The following KIAA1958 variants were observed in gnomAD, a reference collection of about 807,000 sequenced individuals.
KIAA1958 encodes the protein uncharacterized protein KIAA1958.
Under a neutral mutation model 47.2 loss-of-function variants are expected in KIAA1958, and 14 were observed. The ratio of observed to expected loss-of-function variants is 0.30; its 90% confidence interval spans 0.20 to 0.46. The LOEUF (loss-of-function observed/expected upper bound fraction) is 0.46. Ranked by LOEUF, KIAA1958 falls within the 20% of genes least tolerant of loss-of-function variation. The pLI, the probability that KIAA1958 is intolerant of heterozygous loss-of-function variation, is 1.00. For synonymous variants in KIAA1958, 354 were observed against 353.3 expected (o/e 1.00, Z -0.02); for missense variants, 803 against 909.2 (o/e 0.88, Z 1.50).
At position 112,531,817 on chromosome 9, in the gene KIAA1958, C is replaced by T. The variant is rs188282003; in HGVS notation, c.-24-42240C>T. Among the ~76,000 whole-genome samples the T allele has an allele frequency of 3.0e-3, 450 of 152,278 alleles. 3 individuals carry two copies. Among genetic ancestry groups the T allele is most frequent in the Admixed American group, 6.0e-3 (92 of 15,302 alleles). On this transcript the variant is annotated intron_variant, in intron 1 of 3. Coordinates refer to ENST00000337530, the MANE Select transcript of KIAA1958 (RefSeq NM_133465.4). ...CAGTTGGATTTTCACTTTATCCACA[C>T]GAATGGATCAAAGTCCAAAGGTTAA...
chr9:112,597,838 T>A (rs1160297467), intron 2 of KIAA1958, among the ~76,000 whole-genome samples: 2 of 152,234 alleles, frequency 1.3e-5, no homozygotes, highest in African/African-American at 2.4e-5. Flanking sequence ...ATATTTTTCT[T>A]ATATAGTTTT....
chr9:112,487,932 A>G (rs983146337), intron 1 of KIAA1958, among the ~76,000 whole-genome samples: 1 of 115,366 alleles, frequency 8.7e-6, no homozygotes, highest in African/African-American at 3.6e-5. Flanking sequence ...AATTATATGT[A>G]TTTAGTGTGT....
intron 1 of KIAA1958, among the ~76,000 whole-genome samples, chr9:112,497,391 T>G (rs1834064110): frequency 6.6e-6 from 1 of 151,970 alleles, no homozygotes; most frequent in Non-Finnish European, 1.5e-5. Flanking sequence ...GACATGCACA[T>G]AGGGGAAAAA....
intron 1 of KIAA1958, among the ~76,000 whole-genome samples, chr9:112,551,333 G>T (rs1413767769): frequency 6.6e-6 from 1 of 152,030 alleles, no homozygotes; most frequent in African/African-American, 2.4e-5. Context: ...GAATTAGGCT[G>T]CCCCAGGCAC....
chr9:112,663,450 A>G lies in KIAA1958; in HGVS notation c.*3381A>G, dbSNP rs1837311277. Reference sequence around the variant, plus strand: ...TTATTTAACTAATTTGCATTATACCACTTATTTCTTCCATTATGGAGATTC... The same window carrying G: ...TTATTTAACTAATTTGCATTATACCGCTTATTTCTTCCATTATGGAGATTC... On this transcript the variant is annotated 3_prime_UTR_variant, in exon 4 of 4. Transcript: ENST00000337530. The G allele has an allele frequency of 6.6e-6, 1 of 152,202 alleles. No homozygotes were observed. Among genetic ancestry groups the G allele is most frequent in the Non-Finnish European group, 1.5e-5 (1 of 68,030 alleles). 9.4% of individuals were successfully genotyped at this position (152,202 alleles called of 1,614,324 possible).
At chr9:112,628,648 T>C (rs1000616739) in intron 2 of KIAA1958, among the ~76,000 whole-genome samples, 1 of 152,350 alleles carries the variant, frequency 6.6e-6, no homozygotes, top group South Asian at 2.1e-4. Context: ...TGATTAACAA[T>C]TTAGCAGTGG....
At chr9:112,601,832 C>G (rs1362001231) in intron 2 of KIAA1958, among the ~76,000 whole-genome samples, 1 of 152,158 alleles carries the variant, frequency 6.6e-6, no homozygotes, top group Non-Finnish European at 1.5e-5. Flanking sequence ...GAGAAATGAG[C>G]AGATGACTAA....
At chr9:112,516,441 C>T (rs908401368) in intron 1 of KIAA1958, among the ~76,000 whole-genome samples, 3 of 152,098 alleles carry the variant, frequency 2.0e-5, no homozygotes, top group African/African-American at 4.8e-5. Context: ...TAAGACATTG[C>T]TGATATAAAT....
At chr9:112,558,157 G>A (rs932601070) in intron 1 of KIAA1958, among the ~76,000 whole-genome samples, 6 of 151,850 alleles carry the variant, frequency 4.0e-5, no homozygotes, top group African/African-American at 1.5e-4. Flanking sequence ...CCCGGGAGGC[G>A]GAAATTACAG....
chr9:112,566,886 C>T (rs1734308420), intron 1 of KIAA1958, among the ~76,000 whole-genome samples: 1 of 152,050 alleles, frequency 6.6e-6, no homozygotes, highest in African/African-American at 2.4e-5. Context: ...TGATTATGGG[C>T]CCTAATGTGA....
intron 2 of KIAA1958, among the ~76,000 whole-genome samples, chr9:112,625,971 A>G (rs786988): frequency 0.83 from 125,773 of 152,190 alleles, 52,134 homozygotes; most frequent in South Asian, 0.87. Flanking sequence ...TCACTTGGAT[A>G]TCGAGCTACA....
intron 2 of KIAA1958, among the ~76,000 whole-genome samples, chr9:112,622,663 A>C (rs540957274): frequency 1.3e-5 from 2 of 152,320 alleles, no homozygotes; most frequent in East Asian, 3.9e-4. Context: ...CCTATGTTAA[A>C]TCACTGCCTG....
chr9:112,631,563 A>G (rs1836708917), intron 2 of KIAA1958, among the ~76,000 whole-genome samples: 1 of 151,734 alleles, frequency 6.6e-6, no homozygotes, highest in Non-Finnish European at 1.5e-5. Flanking sequence ...AAAAGGAAGT[A>G]AAACCACCAT....
chr9:112,590,390 C>T (rs1478147386), intron 2 of KIAA1958, among the ~76,000 whole-genome samples: 2 of 143,992 alleles, frequency 1.4e-5, no homozygotes, highest in Non-Finnish European at 3.0e-5. Context: ...TCACTCTTGT[C>T]GCCCAGTCTG....
intron 1 of KIAA1958, among the ~76,000 whole-genome samples, chr9:112,530,862 G>C (rs980815783): frequency 6.6e-6 from 1 of 152,082 alleles, no homozygotes; most frequent in African/African-American, 2.4e-5. Context: ...AGTCATGCTT[G>C]CCAGAAATTA....
intron 2 of KIAA1958, among the ~76,000 whole-genome samples, chr9:112,623,919 T>G (rs891704325): frequency 6.6e-6 from 1 of 152,212 alleles, no homozygotes; most frequent in Non-Finnish European, 1.5e-5. Context: ...ATCTGCAGTT[T>G]AATGTGAGAC....
intron 2 of KIAA1958, among the ~76,000 whole-genome samples, chr9:112,635,238 G>A (rs1836785645): frequency 1.3e-5 from 2 of 150,504 alleles, no homozygotes; most frequent in Non-Finnish European, 3.0e-5. Context: ...GTGTGTGTGT[G>A]TGTGTGTGTG....
At chr9:112,545,590 A>G (rs1466871141) in intron 1 of KIAA1958, among the ~76,000 whole-genome samples, 2 of 152,162 alleles carry the variant, frequency 1.3e-5, no homozygotes, top group African/African-American at 4.8e-5. Flanking sequence ...ATACATGTAA[A>G]TGGAAATGCT....
chr9:112,498,934 A>T (rs535147135), intron 1 of KIAA1958, among the ~76,000 whole-genome samples: 2 of 151,926 alleles, frequency 1.3e-5, no homozygotes, highest in African/African-American at 4.8e-5. Context: ...ACACAGTTCT[A>T]CTCTCTACTT....
Sources: gnomAD v4.1 joint callset for allele counts (sites outside exome capture counted in the v4.1 genomes callset) on GRCh38, gnomAD v4.1.1 for gene constraint, MANE v1.5 for transcripts, NCBI Gene and HGNC (gene_info 2026-07-23, HGNC 2026-07-21) for gene names.